FARP2: variants seen among roughly 807,000 people sequenced by gnomAD.
FARP2 encodes the protein FERM, ARHGEF and pleckstrin domain-containing protein 2.
In FARP2, 111 loss-of-function variants were observed where a neutral mutation model predicts 130.5. That is an observed-to-expected ratio of 0.85 (90% CI 0.73 to 1.00). The LOEUF (loss-of-function observed/expected upper bound fraction) is 1.00, where lower values mean the gene tolerates loss of function less well. FARP2 is among the 50% of genes least tolerant of loss of function. The pLI, the probability that FARP2 is intolerant of heterozygous loss-of-function variation, is 0.00. For missense variants in FARP2, 1,385 were observed against 1,346.3 expected (o/e 1.03, Z -0.45); for synonymous variants, 504 against 516.9 (o/e 0.98, Z 0.34).
At chr2:241,358,195 A>G (rs1448493653) in intron 1 of FARP2, among the ~76,000 whole-genome samples, 1 of 152,254 alleles carries the variant, frequency 6.6e-6, no homozygotes, top group African/African-American at 2.4e-5. Flanking sequence ...TCTCAAAAAA[A>G]TAAAAAAATA....
At chr2:241,464,114 G>A in intron 17 of FARP2, 134 bp downstream of exon 17, 2 of 693,770 alleles carry the variant, frequency 2.9e-6, no homozygotes, top group South Asian at 3.4e-5. Context: ...CCTCAGAGTA[G>A]GGTCTCCTTA....
In FARP2 at chr2:241,459,578, G is replaced by A. The variant is rs1437186387; in HGVS notation, c.1587+2656G>A. ...GTCGAAAGGTAGGAAAGCCAAAGGTGGCAGAAGCCTCTTCCACGCTCTGCA... is the reference window on the plus strand; with the variant it reads ...GTCGAAAGGTAGGAAAGCCAAAGGTAGCAGAAGCCTCTTCCACGCTCTGCA... On this transcript the variant is annotated intron_variant, in intron 14 of 26. Coordinates refer to ENST00000264042, the MANE Select transcript of FARP2 (RefSeq NM_014808.4). This position sits in a 1 kb window ranked among gnomAD's most constrained non-coding sequence, Gnocchi z 5.3. Among the ~76,000 whole-genome samples, 1 of 152,204 alleles carries A rather than the reference G, an allele frequency of 6.6e-6. No individual in the cohort carries two copies. Among genetic ancestry groups the A allele is most frequent in the Non-Finnish European group, 1.5e-5 (1 of 68,038 alleles).
At chr2:241,455,984 G>T (rs2150453500) in intron 13 of FARP2, among the ~76,000 whole-genome samples, 1 of 151,338 alleles carries the variant, frequency 6.6e-6, no homozygotes, top group East Asian at 1.9e-4. Context: ...GCACTTAATA[G>T]TTACTGGTTT....
At chr2:241,490,914 G>A (rs969187622) in intron 22 of FARP2, 147 bp from the exon 23 acceptor site, 2 of 694,906 alleles carry the variant, frequency 2.9e-6, no homozygotes, top group East Asian at 5.0e-5. Flanking sequence ...TATTCTCGCT[G>A]GAGGGGACAC....
At chr2:241,423,329 T>C (rs1317722794) in intron 8 of FARP2, among the ~76,000 whole-genome samples, 2 of 152,068 alleles carry the variant, frequency 1.3e-5, no homozygotes, top group African/African-American at 2.4e-5. Context: ...AGGAAAAAAT[T>C]TCCAACCCAG....
intron 5 of FARP2, among the ~76,000 whole-genome samples, chr2:241,410,495 G>A (rs933724139): frequency 6.7e-6 from 1 of 149,688 alleles, no homozygotes; most frequent in African/African-American, 2.5e-5. Context: ...GCAGTGGCAT[G>A]ATCTCAGCTC....
intron 2 of FARP2, among the ~76,000 whole-genome samples, chr2:241,399,095 G>A (rs1188042172): frequency 6.6e-6 from 1 of 152,206 alleles, no homozygotes; most frequent in African/African-American, 2.4e-5. Flanking sequence ...CTATTCTGGT[G>A]AGGGTCTAGT....
At position 241,404,296 on chromosome 2, in the gene FARP2, A is replaced by T. The variant is rs75817306; in HGVS notation, c.288+364A>T. On this transcript the variant is annotated intron_variant, in intron 3 of 26. Coordinates refer to ENST00000264042, the MANE Select transcript of FARP2 (RefSeq NM_014808.4). ...GTGGAGTTTTAATATTTATAGATAG[A>T]ACTGTTTTAAAGAACCATACATCAA... Among the ~76,000 whole-genome samples, 500 of 152,338 alleles carry T rather than the reference A, an allele frequency of 3.3e-3. 1 individual carries two copies. Among genetic ancestry groups the T allele is most frequent in the Non-Finnish European group, 6.0e-3 (411 of 68,028 alleles).
chr2:241,442,050 C>T lies in FARP2; in HGVS notation c.1411+494C>T, dbSNP rs575061641. The T allele has an allele frequency of 1.1e-5, 4 of 361,478 alleles. No homozygotes were observed. In the East Asian group the frequency reaches 2.2e-4, roughly 20 times the overall value. 22.4% of individuals were successfully genotyped at this position (361,478 alleles called of 1,614,324 possible). The stretch of plus-strand genomic sequence containing the variant: ...AGGAGGAAAGTGACTTCAATGGGAA[C>T]GCACACCCCTCAGACACCTCGGAGC... On this transcript the variant is annotated intron_variant, in intron 13 of 26. Transcript: ENST00000264042.
chr2:241,401,464 GTGTTT>G (rs1275752851), intron 2 of FARP2, among the ~76,000 whole-genome samples: 2 of 152,176 alleles, frequency 1.3e-5, no homozygotes, highest in Non-Finnish European at 2.9e-5. Context: ...TGGGGCATAT[GTGTTT>G]TTAATAAAAT....
At chr2:241,399,607 G>A (rs960415117) in intron 2 of FARP2, among the ~76,000 whole-genome samples, 3 of 152,276 alleles carry the variant, frequency 2.0e-5, no homozygotes, top group South Asian at 4.1e-4. Flanking sequence ...ACCACACCCA[G>A]CCTCTTTGTT....
chr2:241,419,658 CT>C (rs2062758346), intron 8 of FARP2, among the ~76,000 whole-genome samples: 1 of 152,130 alleles, frequency 6.6e-6, no homozygotes, highest in Admixed American at 6.6e-5. Flanking sequence ...GTAGGGAAGG[CT>C]GGAATCTCAC....
In FARP2 at chr2:241,456,556, C is replaced by T. The variant is rs2063842663; in HGVS notation, c.1412-191C>T. The T allele has an allele frequency of 3.0e-5, 18 of 607,112 alleles. No individual in the cohort carries two copies. In the South Asian group the frequency reaches 3.7e-4, roughly 13 times the overall value. The allele number at this position is 607,112 out of a possible 1,614,324, so 37.6% of individuals were successfully genotyped here. On this transcript the variant is annotated intron_variant, in intron 13 of 26. Transcript: ENST00000264042. ...CTCTGAAATTGGGTAGATGAACCAT[C>T]AACCCTCATTTTCATTTTATGTCAT...
intron 1 of FARP2, among the ~76,000 whole-genome samples, chr2:241,371,016 T>C (rs747947127): frequency 6.6e-6 from 1 of 152,192 alleles, no homozygotes; most frequent in African/African-American, 2.4e-5. Flanking sequence ...GTTTTGTTCA[T>C]AGTACTCACA....
intron 2 of FARP2, among the ~76,000 whole-genome samples, chr2:241,376,305 TAATC>T (rs897108935): frequency 4.6e-5 from 7 of 152,354 alleles, no homozygotes; most frequent in African/African-American, 1.7e-4. Flanking sequence ...CACATTTTAT[TAATC>T]AAAGCAAGCT....
intron 1 of FARP2, among the ~76,000 whole-genome samples, chr2:241,366,108 T>TATATATATAC (rs2061303030): frequency 8.8e-5 from 3 of 34,254 alleles, no homozygotes; most frequent in Admixed American, 5.1e-4. Context: ...AAAAAAAATA[T>TATATATATAC]ATATATATAT....
chr2:241,493,750 C>T (rs1465268623), intron 26 of FARP2: 2 of 469,002 alleles, frequency 4.3e-6, no homozygotes, highest in African/African-American at 2.0e-5. Context: ...ATGCACGCCA[C>T]GCCGCCTGGC....
At chr2:241,413,137 A>G (rs1221289541) in intron 6 of FARP2, among the ~76,000 whole-genome samples, 170 bp from the exon 7 acceptor site, 1 of 152,202 alleles carries the variant, frequency 6.6e-6, no homozygotes, top group Non-Finnish European at 1.5e-5. Flanking sequence ...TTTGCCTTTT[A>G]ACAGCATAAA....
At chr2:241,400,072 C>T (rs2062128499) in intron 2 of FARP2, among the ~76,000 whole-genome samples, 1 of 152,184 alleles carries the variant, frequency 6.6e-6, no homozygotes, top group South Asian at 2.1e-4. Context: ...AATGTGCTTG[C>T]ACCTGCGTGG....
Sources: gnomAD v4.1 joint callset for allele counts (sites outside exome capture counted in the v4.1 genomes callset) on GRCh38, gnomAD v4.1.1 for gene constraint, Gnocchi (gnomAD v3.1) non-coding constraint, MANE v1.5 for transcripts, NCBI Gene and HGNC (gene_info 2026-07-23, HGNC 2026-07-21) for gene names.